Variants in C1orf185 observed in about 807,000 individuals in gnomAD.
The protein encoded by C1orf185 is uncharacterized protein C1orf185.
A neutral mutation model predicts 16.1 loss-of-function variants in C1orf185; 13 were observed. The ratio of observed to expected loss-of-function variants is 0.81; its 90% CI spans 0.53 to 1.28. The LOEUF (loss-of-function observed/expected upper bound fraction) is 1.28. Ranked by LOEUF, C1orf185 falls within the 50% of genes most tolerant of loss-of-function variation. The pLI is 0.00. For missense variants in C1orf185, 220 were observed against 225.2 expected (o/e 0.98, Z 0.15); for synonymous variants, 80 against 76.9 (o/e 1.04, Z -0.21).
At chr1:51,151,112 CCTGAAAAGCAA>C (rs1245680092), downstream of C1orf185, among the ~76,000 whole-genome samples, 3 of 152,146 alleles carry the variant, frequency 2.0e-5, no homozygotes, top group Non-Finnish European at 4.4e-5. Flanking sequence ...ATTACATATA[CCTGAAAAGCAA>C]CTCAAGTTAG....
At chr1:51,111,399 G>A (rs1570290423) in intron 1 of C1orf185, among the ~76,000 whole-genome samples, 1 of 113,530 alleles carries the variant, frequency 8.8e-6, no homozygotes, top group Admixed American at 8.0e-5. Context: ...TGAGAGACAG[G>A]TTTTGCTTTG....
chr1:51,107,776 C>T (rs1557642020), intron 1 of C1orf185, among the ~76,000 whole-genome samples: 1 of 152,200 alleles, frequency 6.6e-6, no homozygotes, highest in Non-Finnish European at 1.5e-5. Flanking sequence ...TTCTTTTGCT[C>T]AGCATTACGT....
Position 51,147,809 on chromosome 1 carries a change from T to G in C1orf185, c.*38T>G. 7.0e-7 allele frequency: 1 copy of G among 1,424,834 alleles called. No homozygotes were observed. Among genetic ancestry groups the G allele is most frequent in the South Asian group, 1.5e-5 (1 of 68,600 alleles). 88.3% of individuals were successfully genotyped at this position (1,424,834 alleles called of 1,614,324 possible). A position where few individuals can be genotyped will look rare whatever the true frequency, so the allele number is the denominator to read the frequency against. The stretch of plus-strand genomic sequence containing the variant: ...TGACTACATTAAGGGAAAATGTTCA[T>G]GAAGAAACACAGAGGTTGAAATATA... On this transcript the variant is annotated 3_prime_UTR_variant, in exon 5 of 5. Transcript: ENST00000371759.
intron 3 of C1orf185, among the ~76,000 whole-genome samples, chr1:51,134,923 AG>A (rs963830491): frequency 4.0e-4 from 61 of 151,926 alleles, no homozygotes; most frequent in African/African-American, 1.3e-3. Context: ...AGATGTGCAA[AG>A]AAGAGCTAGT....
intron 3 of C1orf185, among the ~76,000 whole-genome samples, chr1:51,127,048 T>C (rs1385520101): frequency 3.3e-5 from 5 of 152,208 alleles, no homozygotes; most frequent in Non-Finnish European, 5.9e-5. Flanking sequence ...TGAAGTGAAA[T>C]TAATGTGATT....
At chr1:51,111,864 T>C (rs1374037482) in intron 1 of C1orf185, among the ~76,000 whole-genome samples, 4 of 152,108 alleles carry the variant, frequency 2.6e-5, no homozygotes, top group African/African-American at 9.7e-5. Context: ...GGTATTTCAC[T>C]CTATGGCTGG....
intron 1 of C1orf185, among the ~76,000 whole-genome samples, chr1:51,106,367 CT>C (rs1427643888): frequency 1.3e-4 from 20 of 151,948 alleles, no homozygotes; most frequent in Admixed American, 1.3e-3. Context: ...ATCTCTCTCC[CT>C]ATCTCTCTTT....
chr1:51,130,777 T>C (rs1372779335), intron 3 of C1orf185, among the ~76,000 whole-genome samples: 1 of 152,248 alleles, frequency 6.6e-6, no homozygotes, highest in Non-Finnish European at 1.5e-5. Flanking sequence ...TCTTGATTAT[T>C]GTAGCTTTGT....
rs980863162 is a variant in C1orf185 at position 51,126,378 on chromosome 1, C to T, written c.258+7577C>T. ...TCCTGGACTCAAAGGATCCTCCTAC[C>T]TCAGCCTCCTGAGTAGCTGGAACTA... On this transcript the variant is annotated intron_variant, in intron 3 of 4. Coordinates refer to ENST00000371759, the MANE Select transcript of C1orf185 (RefSeq NM_001136508.2). Among the ~76,000 whole-genome samples the T allele has an allele frequency of 4.6e-5, 7 of 152,166 alleles. No individual in the cohort carries two copies. The East Asian group carries it at 1.4e-3, about 29-fold the overall frequency.
At chr1:51,117,555 T>C (rs887773914) in intron 2 of C1orf185, among the ~76,000 whole-genome samples, 17 of 152,328 alleles carry the variant, frequency 1.1e-4, no homozygotes, top group African/African-American at 4.1e-4. Flanking sequence ...GTGATCCTTT[T>C]ACTGTCTCCA....
chr1:51,112,816 C>CTTT (rs202031236), intron 2 of C1orf185, among the ~76,000 whole-genome samples: 1 of 142,790 alleles, frequency 7.0e-6, no homozygotes, highest in Non-Finnish European at 1.5e-5. Flanking sequence ...ACTTTCTTTT[C>CTTT]TTTTTTTTTT....
rs973792677 is a variant in C1orf185 at position 51,138,614 on chromosome 1, A to G, written c.259-7110A>G. Among the ~76,000 whole-genome samples the G allele has an allele frequency of 4.0e-5, 6 of 151,834 alleles. No individual in the cohort carries two copies. The South Asian group carries it at 6.2e-4, about 16-fold the overall frequency. On this transcript the variant is annotated intron_variant, in intron 3 of 4. Transcript: ENST00000371759. ...TCACCGTGTTAACTAGGATGGTCTC[A>G]ATCTCCTGACTTCATGATCCACCTG...
chr1:51,132,130 T>C (rs1359397761), intron 3 of C1orf185, among the ~76,000 whole-genome samples: 3 of 152,068 alleles, frequency 2.0e-5, no homozygotes, highest in African/African-American at 4.8e-5. Context: ...ACCTCAGAGA[T>C]TGATGGTAGA....
Position 51,112,517 on chromosome 1 carries a change from A to G in C1orf185, c.70A>G (p.Ile24Val), listed in dbSNP as rs1646128788. The stretch of plus-strand genomic sequence containing the variant: ...TGCTGCTGGTGCTGTCACTTTGGGA[A>G]TTGGTTTCTTTGCTTTGGCATCAGC... The part of the protein sequence containing the change: ...FLAAGAVTLG[I>V]GFFALASALW... The change falls in exon 2 of 5, where the codon ATT becomes GTT. Residue 24 changes from isoleucine (I) to valine (V), a missense_variant. Transcript: ENST00000371759. 14 of 1,550,892 alleles carry G rather than the reference A, an allele frequency of 9.0e-6. No homozygotes were observed. The highest frequency in any genetic ancestry group is 4.1e-5 in the African/African-American group (3 of 72,984).
intron 3 of C1orf185, among the ~76,000 whole-genome samples, chr1:51,137,532 A>AAAAAAAT (rs1168872214): frequency 6.6e-6 from 1 of 152,146 alleles, no homozygotes; most frequent in African/African-American, 2.4e-5. Context: ...TCTGTCTCAA[A>AAAAAAAT]AAAAAATAAA....
rs1228544164 is a variant in C1orf185 at position 51,122,046 on chromosome 1, C to CT, written c.258+3251dup. 2.6e-5 allele frequency among the ~76,000 whole-genome samples: 4 copies of CT among 152,118 alleles called. No individual in the cohort carries two copies. In the South Asian group the frequency reaches 6.2e-4, roughly 24 times the overall value. ...TTTTAGACTCCATATCTAATCTTTC[C>CT]TTTTTTGTGCAGTATTGCATTTCTG... On this transcript the variant is annotated intron_variant, in intron 3 of 4. Coordinates refer to ENST00000371759, the MANE Select transcript of C1orf185 (RefSeq NM_001136508.2).
At chr1:51,126,058 G>A (rs988728140) in intron 3 of C1orf185, among the ~76,000 whole-genome samples, 46 of 152,044 alleles carry the variant, frequency 3.0e-4, no homozygotes, top group African/African-American at 1.1e-3. Context: ...CTCAACTCAA[G>A]TTACTTAGGT....
chr1:51,122,722 C>T (rs1048071137), intron 3 of C1orf185, among the ~76,000 whole-genome samples: 2 of 152,142 alleles, frequency 1.3e-5, no homozygotes, highest in Non-Finnish European at 2.9e-5. Flanking sequence ...TCCTAAAAGT[C>T]CTCTGTGCTT....
rs1646307555 is a variant in C1orf185, at chr1:51,134,418, A to C, written c.259-11306A>C. Among the ~76,000 whole-genome samples the C allele has an allele frequency of 2.6e-5, 4 of 152,086 alleles. No homozygotes were observed. The South Asian group carries it at 8.3e-4, about 32-fold the overall frequency. On this transcript the variant is annotated intron_variant, in intron 3 of 4. Transcript: ENST00000371759. ...GATCTCAAGTTAACAACCTAACATC[A>C]AACTAAAAGAACTGGAGAACCAAGA...
Sources: gnomAD v4.1 joint callset for allele counts (sites outside exome capture counted in the v4.1 genomes callset) on GRCh38, gnomAD v4.1.1 for gene constraint, MANE v1.5 for transcripts, NCBI Gene and HGNC (gene_info 2026-07-23, HGNC 2026-07-21) for gene names.